DNAH7: variants seen among roughly 807,000 people sequenced by gnomAD.
DNAH7 encodes axonemal beta dynein heavy chain 7.
DNAH7 carries 397 observed loss-of-function variants against 444.6 expected under a neutral mutation model. The observed-to-expected ratio is 0.89, with a 90% CI of 0.82 to 0.97. The LOEUF is 0.97. DNAH7 is among the 50% of genes least tolerant of loss of function. The probability of loss-of-function intolerance (pLI) is 0.00; values close to 1 mark genes in which losing one functional copy is unlikely to be tolerated. For missense variants in DNAH7, 4,902 were observed against 4,800.8 expected, an observed-to-expected ratio of 1.02 and a Z score of -0.62; for synonymous variants, 1,636 against 1,624.4, an observed-to-expected ratio of 1.01 and a Z score of -0.17.
chr2:196,025,991 A>T (rs903014763), intron 7 of DNAH7, among the ~76,000 whole-genome samples: 2 of 152,176 alleles, frequency 1.3e-5, no homozygotes, highest in Non-Finnish European at 2.9e-5. Context: ...TGGGGCCAGA[A>T]GTCAGTATTT....
chr2:195,976,788 A>AGAGAGAGT (rs1559295144), intron 15 of DNAH7, among the ~76,000 whole-genome samples: 1 of 144,374 alleles, frequency 6.9e-6, no homozygotes, highest in Non-Finnish European at 1.5e-5. Context: ...AGAGAGAGAG[A>AGAGAGAGT]CTCTCTAATT....
intron 19 of DNAH7, among the ~76,000 whole-genome samples, chr2:195,956,539 T>C (rs1250990954): frequency 6.6e-6 from 1 of 151,904 alleles, no homozygotes; most frequent in Non-Finnish European, 1.5e-5. Context: ...TAATCTCAGT[T>C]ACTTGGGAGG....
chr2:195,750,561 A>G (rs949185040), intron 63 of DNAH7, among the ~76,000 whole-genome samples: 6 of 152,246 alleles, frequency 3.9e-5, no homozygotes, highest in Non-Finnish European at 8.8e-5. Context: ...GATGTTTTCA[A>G]ACTTCTACCA....
intron 24 of DNAH7, among the ~76,000 whole-genome samples, chr2:195,915,599 T>C (rs1406471514): frequency 6.6e-6 from 1 of 152,192 alleles, no homozygotes; most frequent in Non-Finnish European, 1.5e-5. Flanking sequence ...ATATCAGCCA[T>C]ATGAAGGAAA....
chr2:195,891,735 A>C lies in DNAH7; in HGVS notation c.4966T>G (p.Tyr1656Asp), dbSNP rs779937761. Residue 1656 changes from tyrosine (Y) to aspartate (D), a missense_variant, in exon 31 of 65, where the codon TAC (tyrosine) becomes GAC (aspartate). Tyr to Asp is a radical substitution (Grantham distance 160). Coordinates refer to ENST00000312428, the MANE Select transcript of DNAH7 (RefSeq NM_018897.3). ...NPKSVTMGQL[Y>D]GQFDSVSHEW... ...TGGGACACTGAATCAAACTGTCCGT[A>C]CAGTTGGCCCATGGTGACAGACTTA... 4 of 1,610,158 alleles carry C rather than the reference A, an allele frequency of 2.5e-6. No homozygotes were observed. The East Asian group carries it at 8.9e-5, about 36-fold the overall frequency.
chr2:195,994,062 G>T (rs12614821), intron 12 of DNAH7, among the ~76,000 whole-genome samples: 1,663 of 152,276 alleles, frequency 0.011, 32 homozygotes, highest in East Asian at 0.067. Context: ...CTGCAACTGT[G>T]CATTTAGACA....
At chr2:196,065,524 G>A (rs1447671238) in intron 1 of DNAH7, among the ~76,000 whole-genome samples, 1 of 152,168 alleles carries the variant, frequency 6.6e-6, no homozygotes, top group African/African-American at 2.4e-5. Flanking sequence ...CTGGGAGGCT[G>A]AATTCTACAG....
chr2:195,782,494 ATAAT>A (rs773741021), intron 58 of DNAH7, among the ~76,000 whole-genome samples: 1 of 152,238 alleles, frequency 6.6e-6, no homozygotes, highest in Non-Finnish European at 1.5e-5. Flanking sequence ...CTTGTACCAC[ATAAT>A]TATTTATCAT....
At chr2:195,992,202 G>GA (rs981516725) in intron 12 of DNAH7, among the ~76,000 whole-genome samples, 10 of 152,042 alleles carry the variant, frequency 6.6e-5, no homozygotes, top group East Asian at 3.9e-4. Flanking sequence ...TCCCATACAG[G>GA]AAAAAAAACC....
At chr2:195,973,862 C>T (rs545697232) in intron 15 of DNAH7, among the ~76,000 whole-genome samples, 7 of 152,030 alleles carry the variant, frequency 4.6e-5, no homozygotes, top group South Asian at 2.1e-4. Flanking sequence ...TCTAGGCAGG[C>T]GGATCACCTG....
At chr2:196,055,694 A>T (rs1406950827) in intron 2 of DNAH7, among the ~76,000 whole-genome samples, 1 of 152,224 alleles carries the variant, frequency 6.6e-6, no homozygotes, top group Non-Finnish European at 1.5e-5. Context: ...ACAGAGAGGA[A>T]TGGCTCTGGG....
intron 19 of DNAH7, among the ~76,000 whole-genome samples, chr2:195,941,169 A>T (rs1689410294): frequency 6.6e-6 from 1 of 152,216 alleles, no homozygotes; most frequent in South Asian, 2.1e-4. Flanking sequence ...TGGCACATAT[A>T]CACCATGGAA....
intron 61 of DNAH7, among the ~76,000 whole-genome samples, chr2:195,769,052 G>A (rs183912932): frequency 6.6e-6 from 1 of 152,224 alleles, no homozygotes; most frequent in East Asian, 1.9e-4. Context: ...ATTGGTCACA[G>A]ATATCATGTC....
intron 40 of DNAH7, among the ~76,000 whole-genome samples, chr2:195,868,522 T>G (rs1700487894): frequency 6.6e-6 from 1 of 151,714 alleles, no homozygotes; most frequent in Admixed American, 6.6e-5. Flanking sequence ...TGTCTTTGAA[T>G]CCTTTGCTCA....
intron 53 of DNAH7, among the ~76,000 whole-genome samples, chr2:195,807,874 CAA>C (rs1696784852): frequency 6.6e-6 from 1 of 152,126 alleles, no homozygotes. Context: ...AGGAGAAATC[CAA>C]AAGAGATCAC....
chr2:196,039,377 T>C (rs1696587927), intron 5 of DNAH7, among the ~76,000 whole-genome samples: 1 of 152,060 alleles, frequency 6.6e-6, no homozygotes, highest in Non-Finnish European at 1.5e-5. Flanking sequence ...AAGTTTATAG[T>C]AAGAAACCCA....
chr2:195,819,606 A>G (rs1697366998), intron 49 of DNAH7, among the ~76,000 whole-genome samples: 1 of 152,158 alleles, frequency 6.6e-6, no homozygotes, highest in African/African-American at 2.4e-5. Flanking sequence ...CATCTAGTTG[A>G]GCAAACAGAG....
Position 195,740,621 on chromosome 2 carries a change from A to G in DNAH7, c.11868+145T>C, listed in dbSNP as rs1052482099. 6.2e-3 allele frequency: 341 copies of G among 55,294 alleles called. 2 individuals carry two copies. Among genetic ancestry groups the G allele is most frequent in the Middle Eastern group, 0.024 (4 of 164 alleles). The allele number at this position is 55,294 out of a possible 1,614,324, so 3.4% of individuals were successfully genotyped here. ...TGTGTGTGTGTGTGTGTGTGTATAT[A>G]TATATATATATATATATATATATAC... On this transcript the variant is annotated intron_variant, in intron 64 of 64. Transcript: ENST00000312428.
intron 5 of DNAH7, among the ~76,000 whole-genome samples, chr2:196,032,712 C>T (rs1269608550): frequency 6.6e-6 from 1 of 152,186 alleles, no homozygotes; most frequent in African/African-American, 2.4e-5. Flanking sequence ...AATACCAATT[C>T]TACACAAATT....
Sources: gnomAD v4.1 joint callset for allele counts (sites outside exome capture counted in the v4.1 genomes callset) on GRCh38, gnomAD v4.1.1 for gene constraint, MANE v1.5 for transcripts, NCBI Gene and HGNC (gene_info 2026-07-23, HGNC 2026-07-21) for gene names.